Variants in PRKAR2B observed in about 807,000 individuals in gnomAD.
PRKAR2B encodes the protein protein kinase cAMP-dependent type II regulatory subunit beta, also known as cAMP-dependent protein kinase type II-beta regulatory subunit.
In PRKAR2B, 14 loss-of-function variants were observed where a neutral mutation model predicts 49.9. The ratio of observed to expected loss-of-function variants is 0.28; its 90% CI spans 0.19 to 0.44. PRKAR2B has a LOEUF of 0.44. Ranked by LOEUF, PRKAR2B falls within the 20% of genes least tolerant of loss-of-function variation. PRKAR2B has a pLI of 1.00. For synonymous variants in PRKAR2B, 196 were observed against 197.7 expected (o/e 0.99, Z 0.07); for missense variants, 393 against 537.9 (o/e 0.73, Z 2.67).
chr7:107,147,128 G>A (rs1487428751), intron 6 of PRKAR2B, among the ~76,000 whole-genome samples: 1 of 152,022 alleles, frequency 6.6e-6, no homozygotes, highest in Non-Finnish European at 1.5e-5. Context: ...TCGAGACCAC[G>A]GTGAAACCCC....
chr7:107,087,043 A>G (rs1794633291), intron 2 of PRKAR2B, among the ~76,000 whole-genome samples: 1 of 152,190 alleles, frequency 6.6e-6, no homozygotes, highest in African/African-American at 2.4e-5. Context: ...TTTTTCACAC[A>G]TAGGAAAATG....
At chr7:107,058,857 A>G (rs1793967892) in intron 1 of PRKAR2B, among the ~76,000 whole-genome samples, 1 of 152,232 alleles carries the variant, frequency 6.6e-6, no homozygotes, top group Non-Finnish European at 1.5e-5. Flanking sequence ...TGAGTAGAGC[A>G]GAATTTTTTT....
intron 4 of PRKAR2B, among the ~76,000 whole-genome samples, chr7:107,137,282 A>C (rs567326426): frequency 6.6e-6 from 1 of 152,270 alleles, no homozygotes; most frequent in Admixed American, 6.5e-5. Context: ...CTTTTCTGTC[A>C]CCTAAACGCC....
chr7:107,099,823 A>C (rs573157138), intron 2 of PRKAR2B, among the ~76,000 whole-genome samples: 21 of 151,822 alleles, frequency 1.4e-4, no homozygotes, highest in African/African-American at 3.9e-4. Context: ...TTTAGTAGAG[A>C]CGGGGTTTCA....
intron 9 of PRKAR2B, 51 bp downstream of exon 9, chr7:107,157,100 C>T (rs769035987): frequency 1.9e-6 from 3 of 1,607,160 alleles, no homozygotes; most frequent in East Asian, 2.2e-5. Flanking sequence ...AGGAACACAA[C>T]AGATCTACTT....
intron 7 of PRKAR2B, among the ~76,000 whole-genome samples, chr7:107,151,313 A>G (rs1253568910): frequency 6.6e-6 from 1 of 152,206 alleles, no homozygotes; most frequent in African/African-American, 2.4e-5. Context: ...AGATGTAGAC[A>G]AGAGCCACTA....
intron 8 of PRKAR2B, among the ~76,000 whole-genome samples, chr7:107,156,021 C>T (rs1033995322): frequency 6.6e-6 from 1 of 152,056 alleles, no homozygotes; most frequent in Non-Finnish European, 1.5e-5. Context: ...AACTAAACAC[C>T]GAATGTTCTC....
intron 2 of PRKAR2B, among the ~76,000 whole-genome samples, chr7:107,110,261 T>G (rs996772864): frequency 2.2e-4 from 33 of 152,186 alleles, no homozygotes; most frequent in African/African-American, 7.7e-4. Flanking sequence ...TCCCAACAGT[T>G]GGAAAGTTCC....
intron 4 of PRKAR2B, among the ~76,000 whole-genome samples, chr7:107,137,083 C>T (rs1379049713): frequency 1.3e-5 from 2 of 152,176 alleles, no homozygotes; most frequent in African/African-American, 4.8e-5. Context: ...AACTATTTAA[C>T]GTTCTGGAAA....
At chr7:107,088,101 T>C (rs1377805975) in intron 2 of PRKAR2B, among the ~76,000 whole-genome samples, 1 of 152,122 alleles carries the variant, frequency 6.6e-6, no homozygotes, top group Non-Finnish European at 1.5e-5. Flanking sequence ...TATTTCCGTT[T>C]TAAAGAAACG....
At chr7:107,128,326 T>C (rs1795534956) in intron 4 of PRKAR2B, 31 bp downstream of exon 4, 1 of 1,527,188 alleles carries the variant, frequency 6.5e-7, no homozygotes, top group Non-Finnish European at 9.1e-7. Context: ...AGAAATGGCT[T>C]TGTTTTTTCC....
rs1796109790 is a variant in PRKAR2B at position 107,157,279 on chromosome 7, C to T, written c.1078C>T (p.Pro360Ser). The part of the protein sequence containing the change: ...FGELALVTNK[P>S]RAASAHAIGT... The stretch of plus-strand genomic sequence containing the variant: ...AGAGCTTGCCCTGGTAACTAACAAA[C>T]CTCGAGCAGCTTCTGCCCACGCCAT... Residue 360 changes from proline (P) to serine (S), a missense_variant, in exon 10 of 11, where the codon CCT becomes TCT. Pro to Ser is a moderately conservative substitution (Grantham distance 74). Around this residue, in one of 2 missense-constraint regions of PRKAR2B, gnomAD observed 233 missense variants for 390.4 expected, o/e 0.60. Transcript: ENST00000265717. 1 of 1,614,066 alleles carries T rather than the reference C, an allele frequency of 6.2e-7. No homozygotes were observed. Among genetic ancestry groups the T allele is most frequent in the Admixed American group, 1.7e-5 (1 of 60,012 alleles).
At chr7:107,110,880 G>A (rs1390070065) in intron 2 of PRKAR2B, among the ~76,000 whole-genome samples, 2 of 151,944 alleles carry the variant, frequency 1.3e-5, no homozygotes, top group Middle Eastern at 3.2e-3. Context: ...TTTTGCTTGC[G>A]AAAAGCAGAG....
At chr7:107,060,050 G>A (rs1793995762) in intron 1 of PRKAR2B, among the ~76,000 whole-genome samples, 1 of 100,878 alleles carries the variant, frequency 9.9e-6, no homozygotes, top group African/African-American at 5.0e-5. Context: ...TGTTTGTTTT[G>A]GAAAATATAG....
At chr7:107,075,240 C>G (rs1423955633) in intron 2 of PRKAR2B, among the ~76,000 whole-genome samples, 1 of 151,306 alleles carries the variant, frequency 6.6e-6, no homozygotes, top group East Asian at 2.0e-4. Flanking sequence ...GTAGCTGGGA[C>G]TACAGCTGCA....
intron 8 of PRKAR2B, among the ~76,000 whole-genome samples, chr7:107,156,095 G>T (rs1796082146): frequency 1.3e-5 from 2 of 152,084 alleles, no homozygotes. Flanking sequence ...TCACACACCG[G>T]GGCCTGTCAG....
In PRKAR2B at chr7:107,153,214, C is replaced by G. The variant is rs947463536; in HGVS notation, c.881C>G (p.Thr294Ser). The change falls in exon 8 of 11, where the codon ACC (threonine) becomes AGC (serine). Residue 294 changes from threonine (T) to serine (S), a missense_variant. Physicochemically the swap from Thr to Ser is moderately conservative, Grantham distance 58. This residue lies in a region of PRKAR2B where 233 missense variants were observed against 390.4 expected (regional missense o/e 0.60). Transcript: ENST00000265717. The part of the protein sequence containing the change: ...ERLKVVDVIG[T>S]KVYNDGEQII... ...CTGAAAGTAGTAGATGTGATAGGCA[C>G]CAAAGTATACAACGATGGAGAACAA... 6.8e-6 allele frequency: 11 copies of G among 1,608,248 alleles called. No individual in the cohort carries two copies. Among genetic ancestry groups the G allele is most frequent in the Non-Finnish European group, 8.5e-6 (10 of 1,177,192 alleles).
intron 4 of PRKAR2B, among the ~76,000 whole-genome samples, chr7:107,138,211 A>G (rs1795732698): frequency 1.3e-5 from 2 of 152,196 alleles, no homozygotes; most frequent in Non-Finnish European, 2.9e-5. Flanking sequence ...TACAACACCA[A>G]TAGCAAACCC....
chr7:107,114,528 ATTT>A (rs761914948), intron 2 of PRKAR2B, among the ~76,000 whole-genome samples: 1 of 131,560 alleles, frequency 7.6e-6, no homozygotes, highest in Non-Finnish European at 1.6e-5. Context: ...TGCCCGGTTA[ATTT>A]TTTTTTTTTT....
Sources: allele counts gnomAD v4.1 joint callset (sites outside exome capture counted in the v4.1 genomes callset), GRCh38; gene constraint gnomAD v4.1.1; regional missense constraint gnomAD v4.1.1; transcripts MANE v1.5; gene names NCBI Gene and HGNC (gene_info 2026-07-23, HGNC 2026-07-21).